Variants in RYR2 observed in about 807,000 individuals in gnomAD.
RYR2 encodes the protein ryanodine receptor 2, also known as cardiac muscle ryanodine receptor-calcium release channel.
Under a neutral mutation model 601.1 loss-of-function variants are expected in RYR2, and 227 were observed. The ratio of observed to expected loss-of-function variants is 0.38; its 90% CI spans 0.34 to 0.42. The LOEUF (loss-of-function observed/expected upper bound fraction) is 0.42, where lower values mean the gene tolerates loss of function less well. Among genes scored for constraint, RYR2 ranks in the 10% least tolerant of loss-of-function variants. The probability of loss-of-function intolerance (pLI) is 1.00; values close to 1 mark genes in which losing one functional copy is unlikely to be tolerated. For missense variants in RYR2, 4,646 were observed against 6,156.5 expected (o/e 0.75, Z 8.21); for synonymous variants, 2,223 against 2,175.1 (o/e 1.02, Z -0.61).
chr1:237,341,779 G>A (rs751660931), intron 3 of RYR2: 1 of 431,556 alleles, frequency 2.3e-6, no homozygotes, highest in African/African-American at 2.1e-5. Flanking sequence ...GAGCTTTTTT[G>A]TCTGTTAAAT....
At chr1:237,725,544 G>A (rs1690122959) in intron 74 of RYR2, among the ~76,000 whole-genome samples, 1 of 152,148 alleles carries the variant, frequency 6.6e-6, no homozygotes, top group East Asian at 1.9e-4. Context: ...TATGAGAGTA[G>A]GTTATCTCCA....
At chr1:237,114,880 C>A (rs903983249) in intron 1 of RYR2, among the ~76,000 whole-genome samples, 3 of 152,166 alleles carry the variant, frequency 2.0e-5, no homozygotes, top group African/African-American at 4.8e-5. Context: ...TTACTTGAGT[C>A]AATACCAGTG....
intron 1 of RYR2, among the ~76,000 whole-genome samples, chr1:237,259,838 T>C (rs10495393): frequency 0.049 from 7,524 of 152,270 alleles, 670 homozygotes; most frequent in African/African-American, 0.17. Flanking sequence ...TACACGGTAG[T>C]TCAAATGCAA....
intron 1 of RYR2, among the ~76,000 whole-genome samples, chr1:237,054,915 C>T (rs1217104573): frequency 6.6e-6 from 1 of 152,092 alleles, no homozygotes; most frequent in Non-Finnish European, 1.5e-5. Flanking sequence ...GGCCACTTTC[C>T]AGTCTTCTCT....
chr1:237,095,980 C>T (rs1667466693), intron 1 of RYR2, among the ~76,000 whole-genome samples: 1 of 152,212 alleles, frequency 6.6e-6, no homozygotes, highest in Non-Finnish European at 1.5e-5. Context: ...GAATAGTTTT[C>T]ATTTCTCATG....
chr1:237,668,084 C>G, intron 58 of RYR2, 126 bp downstream of exon 58: 1 of 655,712 alleles, frequency 1.5e-6, no homozygotes, highest in Non-Finnish European at 2.5e-6. Context: ...TTAATTGTGC[C>G]TGTAACAGAT....
intron 84 of RYR2, among the ~76,000 whole-genome samples, chr1:237,761,568 A>G (rs968061702): frequency 3.3e-5 from 5 of 152,178 alleles, no homozygotes; most frequent in Non-Finnish European, 5.9e-5. Flanking sequence ...CGCTTAAATA[A>G]TTCTGTGCAC....
intron 14 of RYR2, among the ~76,000 whole-genome samples, chr1:237,445,732 A>T (rs913548403): frequency 6.6e-6 from 1 of 152,126 alleles, no homozygotes; most frequent in Non-Finnish European, 1.5e-5. Flanking sequence ...TGGAAATTGG[A>T]TGTGTAATTT....
At chr1:237,308,202 T>G (rs1279933082) in intron 2 of RYR2, among the ~76,000 whole-genome samples, 5 of 152,182 alleles carry the variant, frequency 3.3e-5, no homozygotes, top group African/African-American at 4.8e-5. Context: ...TAATTTTGCT[T>G]TAAAGATAAT....
intron 74 of RYR2, among the ~76,000 whole-genome samples, chr1:237,724,761 A>ACAAGAGGAC (rs1553301176): frequency 5.9e-5 from 9 of 151,774 alleles, no homozygotes; most frequent in African/African-American, 1.9e-4. Context: ...TTAAATGGCT[A>ACAAGAGGAC]CATTTCTGAC....
chr1:237,608,684 CAG>C (rs1677428483), intron 35 of RYR2, among the ~76,000 whole-genome samples: 1 of 151,306 alleles, frequency 6.6e-6, no homozygotes, highest in African/African-American at 2.4e-5. Flanking sequence ...GCCTGGGTGA[CAG>C]AGGGAGACCT....
intron 1 of RYR2, among the ~76,000 whole-genome samples, chr1:237,099,708 A>G (rs777502079): frequency 5.9e-5 from 9 of 152,222 alleles, no homozygotes; most frequent in Non-Finnish European, 1.2e-4. Flanking sequence ...GCTATGAAAA[A>G]CTACATTTTG....
At chr1:237,493,986 G>A (rs935900262) in intron 19 of RYR2, among the ~76,000 whole-genome samples, 17 of 152,076 alleles carry the variant, frequency 1.1e-4, no homozygotes, top group African/African-American at 3.4e-4. Context: ...TTTTATAGAC[G>A]AAAAAACTGG....
At chr1:237,606,915 C>T (rs573111666) in intron 35 of RYR2, among the ~76,000 whole-genome samples, 171 of 152,300 alleles carry the variant, frequency 1.1e-3, no homozygotes, top group African/African-American at 4.1e-3. Context: ...ATTAAAAAGA[C>T]AGGAAACAAC....
intron 4 of RYR2, among the ~76,000 whole-genome samples, chr1:237,360,977 A>C (rs1402652125): frequency 6.6e-6 from 1 of 152,126 alleles, no homozygotes; most frequent in African/African-American, 2.4e-5. Flanking sequence ...AGTAGCTGGG[A>C]CTACAGGCAT....
intron 26 of RYR2, among the ~76,000 whole-genome samples, 191 bp downstream of exon 26, chr1:237,548,781 G>A (rs546464561): frequency 1.3e-5 from 2 of 152,256 alleles, no homozygotes; most frequent in East Asian, 1.9e-4. Flanking sequence ...GGCTGTGATC[G>A]TGAACACATG....
chr1:237,224,508 T>A (rs1233633061), intron 1 of RYR2, among the ~76,000 whole-genome samples: 1 of 152,126 alleles, frequency 6.6e-6, no homozygotes, highest in Non-Finnish European at 1.5e-5. Context: ...ATAGCTAACA[T>A]TTATTTAGCT....
At chr1:237,161,388 T>A (rs1448072451) in intron 1 of RYR2, among the ~76,000 whole-genome samples, 1 of 151,698 alleles carries the variant, frequency 6.6e-6, no homozygotes, top group Non-Finnish European at 1.5e-5. Flanking sequence ...GCACAGAGAG[T>A]TGATAATGAA....
chr1:237,725,364 T>C (rs1240626172), intron 74 of RYR2, among the ~76,000 whole-genome samples: 2 of 152,286 alleles, frequency 1.3e-5, no homozygotes, highest in African/African-American at 2.4e-5. Context: ...CCTCTGCTAA[T>C]GATAACATGT....
Sources: allele counts gnomAD v4.1 joint callset (sites outside exome capture counted in the v4.1 genomes callset), GRCh38; gene constraint gnomAD v4.1.1; transcripts MANE v1.5; gene names NCBI Gene and HGNC (gene_info 2026-07-23, HGNC 2026-07-21).